PMS1: variants seen among roughly 807,000 people sequenced by gnomAD.
PMS1 encodes PMS1 homolog 1, mismatch repair system component.
A neutral mutation model predicts 93.1 loss-of-function variants in PMS1; 79 were observed. The ratio of observed to expected loss-of-function variants is 0.85; its 90% CI spans 0.71 to 1.02. PMS1 has a LOEUF of 1.02. Ranked by LOEUF, PMS1 falls within the 50% of genes least tolerant of loss-of-function variation. PMS1 has a pLI of 0.00. For synonymous variants in PMS1, 335 were observed against 363.4 expected, an observed-to-expected ratio of 0.92 and a Z score of 0.89; for missense variants, 1,064 against 1,085.3, an observed-to-expected ratio of 0.98 and a Z score of 0.28.
chr2:189,868,758 G>A (rs2056888344), intron 11 of PMS1, among the ~76,000 whole-genome samples: 1 of 152,158 alleles, frequency 6.6e-6, no homozygotes, highest in Admixed American at 6.5e-5. Flanking sequence ...GCATGGAGCT[G>A]GGTATATACA....
At chr2:189,829,889 C>G (rs1446185835) in intron 5 of PMS1, among the ~76,000 whole-genome samples, 2 of 152,182 alleles carry the variant, frequency 1.3e-5, no homozygotes, top group Non-Finnish European at 2.9e-5. Flanking sequence ...TTATCTGTCA[C>G]CTGGATTTTT....
At chr2:189,853,384 T>C (rs1400862260) in intron 7 of PMS1, among the ~76,000 whole-genome samples, 7 of 152,136 alleles carry the variant, frequency 4.6e-5, no homozygotes, top group Admixed American at 4.6e-4. Context: ...CCTTCAGAAC[T>C]TCCATGACAT....
chr2:189,795,776 A>G lies in PMS1; in HGVS notation c.140A>G (p.Tyr47Cys), dbSNP rs756031414. The G allele has an allele frequency of 1.2e-6, 2 of 1,612,820 alleles. No homozygotes were observed. The highest frequency in any genetic ancestry group is 1.7e-6 in the Non-Finnish European group (2 of 1,178,778). The part of the protein sequence containing the change: ...ATSVDVKLEN[Y>C]GFDKIEVRDN... ...TTTTTTGACATTTTATAGGAGAACTATGGATTTGATAAAATTGAGGTGCGA... is the reference window on the plus strand; with the variant it reads ...TTTTTTGACATTTTATAGGAGAACTGTGGATTTGATAAAATTGAGGTGCGA... Residue 47 changes from tyrosine (Y) to cysteine (C), a missense_variant, in exon 3 of 13, where the codon TAT (tyrosine) becomes TGT (cysteine). Tyr to Cys is a radical substitution (Grantham distance 194). Coordinates refer to ENST00000441310, the MANE Select transcript of PMS1 (RefSeq NM_000534.5).
chr2:189,833,489 G>A (rs2053133322), intron 5 of PMS1, among the ~76,000 whole-genome samples: 1 of 152,172 alleles, frequency 6.6e-6, no homozygotes. Flanking sequence ...GGCTGAGGCA[G>A]GAGAATTACT....
intron 2 of PMS1, among the ~76,000 whole-genome samples, chr2:189,795,445 C>A (rs2049265797): frequency 6.6e-6 from 1 of 152,044 alleles, no homozygotes; most frequent in African/African-American, 2.4e-5. Flanking sequence ...GTATGTAATT[C>A]AGAAGAATTT....
intron 5 of PMS1, among the ~76,000 whole-genome samples, chr2:189,836,704 TAA>T (rs1259935657): frequency 6.6e-6 from 1 of 152,252 alleles, no homozygotes; most frequent in African/African-American, 2.4e-5. Flanking sequence ...AGCCCAAGTG[TAA>T]CTAGTTTAGA....
intron 3 of PMS1, among the ~76,000 whole-genome samples, chr2:189,797,675 T>C (rs933381373): frequency 5.8e-4 from 88 of 152,178 alleles, no homozygotes; most frequent in African/African-American, 2.1e-3. Context: ...ATGATAGGAC[T>C]TCATACTTGT....
At chr2:189,876,130 A>G (rs1038645131) in intron 12 of PMS1, among the ~76,000 whole-genome samples, 2 of 152,138 alleles carry the variant, frequency 1.3e-5, no homozygotes, top group Non-Finnish European at 2.9e-5. Flanking sequence ...AAATTTCTTA[A>G]TCATTAGAAC....
At chr2:189,837,153 A>G (rs1276814672) in intron 5 of PMS1, among the ~76,000 whole-genome samples, 1 of 151,318 alleles carries the variant, frequency 6.6e-6, no homozygotes, top group Non-Finnish European at 1.5e-5. Context: ...CTTTTTGTGA[A>G]TAAGTTTGGT....
At chr2:189,865,524 A>G (rs947253983) in intron 10 of PMS1, among the ~76,000 whole-genome samples, 5 of 152,176 alleles carry the variant, frequency 3.3e-5, no homozygotes, top group East Asian at 1.9e-4. Flanking sequence ...CTTTCACTGG[A>G]AAGTTTCCCA....
At chr2:189,843,317 C>T (rs150872747) in intron 5 of PMS1, among the ~76,000 whole-genome samples, 224 of 152,278 alleles carry the variant, frequency 1.5e-3, no homozygotes, top group African/African-American at 5.3e-3. Flanking sequence ...TGCAAACAAC[C>T]TATTGTTTCT....
chr2:189,842,658 A>T (rs2053911814), intron 5 of PMS1, among the ~76,000 whole-genome samples: 1 of 152,158 alleles, frequency 6.6e-6, no homozygotes, highest in Non-Finnish European at 1.5e-5. Flanking sequence ...CTTCCAAATT[A>T]CTTTGGGGAG....
intron 3 of PMS1, among the ~76,000 whole-genome samples, chr2:189,799,081 T>A (rs1007833841): frequency 6.6e-6 from 1 of 152,204 alleles, no homozygotes; most frequent in Non-Finnish European, 1.5e-5. Context: ...TTAAACCCAC[T>A]TGATAGGCAA....
intron 9 of PMS1, among the ~76,000 whole-genome samples, chr2:189,859,864 G>A (rs5743156): frequency 0.012 from 1,849 of 151,420 alleles, 35 homozygotes; most frequent in African/African-American, 0.04. Flanking sequence ...TTTCTGTTTT[G>A]TGATTATTGT....
At chr2:189,837,731 ACATG>A (rs1456367287) in intron 5 of PMS1, among the ~76,000 whole-genome samples, 3 of 152,196 alleles carry the variant, frequency 2.0e-5, no homozygotes, top group African/African-American at 7.2e-5. Context: ...AAAAACATGA[ACATG>A]CATGTTTATG....
At chr2:189,855,247 C>T (rs556374794) in intron 9 of PMS1, 119 bp downstream of exon 9, 1 of 862,356 alleles carries the variant, frequency 1.2e-6, no homozygotes, top group Non-Finnish European at 1.9e-6. Flanking sequence ...CAGAAAATAC[C>T]TTTGGCTTGG....
intron 4 of PMS1, among the ~76,000 whole-genome samples, chr2:189,807,506 T>C (rs532565279): frequency 6.6e-6 from 1 of 152,228 alleles, no homozygotes; most frequent in Non-Finnish European, 1.5e-5. Context: ...TAGAGTACTT[T>C]GAAGTAATCT....
intron 9 of PMS1, among the ~76,000 whole-genome samples, chr2:189,859,915 A>G (rs1043473343): frequency 1.3e-5 from 2 of 152,216 alleles, no homozygotes; most frequent in African/African-American, 4.8e-5. Flanking sequence ...ATGAAGTATT[A>G]TATACAAAAA....
chr2:189,787,252 G>A (rs2048437120), intron 1 of PMS1, among the ~76,000 whole-genome samples: 1 of 152,118 alleles, frequency 6.6e-6, no homozygotes, highest in Non-Finnish European at 1.5e-5. Flanking sequence ...ATAAAGGGAA[G>A]GAGGATACTT....
Sources: gnomAD v4.1 joint callset for allele counts (sites outside exome capture counted in the v4.1 genomes callset) on GRCh38, gnomAD v4.1.1 for gene constraint, MANE v1.5 for transcripts, NCBI Gene and HGNC (gene_info 2026-07-23, HGNC 2026-07-21) for gene names.